The following CLPX variants were observed in gnomAD, a reference collection of about 807,000 sequenced individuals.
The protein encoded by CLPX is ATP-dependent clpX-like chaperone, mitochondrial.
CLPX carries 34 observed loss-of-function variants against 76.4 expected under a neutral mutation model. The observed-to-expected ratio is 0.45, with a 90% CI of 0.34 to 0.59. The LOEUF is 0.59. CLPX is among the 20% of genes least tolerant of loss of function. The pLI is 0.01. For synonymous variants in CLPX, 248 were observed against 270.9 expected, an observed-to-expected ratio of 0.92 and a Z score of 0.83; for missense variants, 613 against 757.0, an observed-to-expected ratio of 0.81 and a Z score of 2.23.
chr15:65,184,017 A>G (rs1043348075), intron 1 of CLPX, among the ~76,000 whole-genome samples: 1 of 152,264 alleles, frequency 6.6e-6, no homozygotes, highest in African/African-American at 2.4e-5. Flanking sequence ...ATCATTTTAC[A>G]AAATGCTTCT....
Position 65,178,966 on chromosome 15 carries a change from C to A in CLPX, c.326G>T (p.Gly109Val). ...GGTCTCTACATGTGTGCACAAGTCG[C>A]CACATTTAGGACAGCGCAGCTGGTT... ...GGNQLRCPKC[G>V]DLCTHVETFV... The change falls in exon 3 of 14, where the codon GGC (glycine) becomes GTC (valine). Residue 109 changes from glycine (G) to valine (V), a missense_variant. By Grantham distance (109) the Gly-to-Val change is moderately radical (BLOSUM62 -3). Around this residue, in one of 2 missense-constraint regions of CLPX, gnomAD observed 450 missense variants for 638.6 expected, o/e 0.70. Coordinates refer to ENST00000300107, the MANE Select transcript of CLPX (RefSeq NM_006660.5). 1 of 1,608,582 alleles carries A rather than the reference C, an allele frequency of 6.2e-7. No homozygotes were observed. The highest frequency in any genetic ancestry group is 8.5e-7 in the Non-Finnish European group (1 of 1,176,232).
Position 65,179,053 on chromosome 15 carries a change from T to C in CLPX, c.241-2A>G. ...ACTACTTCCCTCACTTGCTGATTTC[T>C]AACGTTTATGAAGGAGAAAAAAGGA... On this transcript the variant is annotated splice_acceptor_variant, in intron 2 of 13. Coordinates refer to ENST00000300107, the MANE Select transcript of CLPX (RefSeq NM_006660.5). LOFTEE classifies it high-confidence loss of function. The C allele has an allele frequency of 6.3e-7, 1 of 1,590,398 alleles. No homozygotes were observed. The highest frequency in any genetic ancestry group is 8.6e-7 in the Non-Finnish European group (1 of 1,160,270).
intron 1 of CLPX, 49 bp downstream of exon 1, chr15:65,185,026 A>ACCCCCCCC: frequency 8.4e-7 from 1 of 1,196,868 alleles, no homozygotes; most frequent in Non-Finnish European, 1.1e-6. Flanking sequence ...TGGCCAGTCC[A>ACCCCCCCC]CCCCCCCCCC....
chr15:65,152,541 A>G lies in CLPX; in HGVS notation c.1705-5T>C. The G allele has an allele frequency of 6.9e-7, 1 of 1,457,972 alleles. No individual in the cohort carries two copies. The highest frequency in any genetic ancestry group is 9.2e-7 in the Non-Finnish European group (1 of 1,081,272). 90.3% of individuals were successfully genotyped at this position (1,457,972 alleles called of 1,614,324 possible). A position where few individuals can be genotyped will look rare whatever the true frequency, so the allele number is the denominator to read the frequency against. ...TGGTTCTAGTAACAGCTTTTCCTAA[A>G]GAAATAAAAAGTAATGAATCACATT... On this transcript the variant is annotated splice_polypyrimidine_tract_variant and splice_region_variant and intron_variant, in intron 12 of 13. Coordinates refer to ENST00000300107, the MANE Select transcript of CLPX (RefSeq NM_006660.5).
At position 65,149,374 on chromosome 15, in the gene CLPX, C is replaced by T. The variant is rs890934762; in HGVS notation, c.*1449G>A. 6 of 231,292 alleles carry T rather than the reference C, an allele frequency of 2.6e-5. No individual in the cohort carries two copies. In the East Asian group the frequency reaches 8.4e-4, roughly 32 times the overall value. 14.3% of individuals were successfully genotyped at this position (231,292 alleles called of 1,614,324 possible). ...CCTGTAGTCCCAGCTACTCAGGAGG[C>T]TGAGGCATGAGTATCGCTTGAACCT... On this transcript the variant is annotated 3_prime_UTR_variant, in exon 14 of 14. Coordinates refer to ENST00000300107, the MANE Select transcript of CLPX (RefSeq NM_006660.5).
chr15:65,156,115 T>C (rs949940217), intron 9 of CLPX, among the ~76,000 whole-genome samples: 2 of 152,220 alleles, frequency 1.3e-5, no homozygotes, highest in African/African-American at 2.4e-5. Context: ...TTGTTTTTGA[T>C]AGTAAAGACA....
intron 3 of CLPX, among the ~76,000 whole-genome samples, chr15:65,170,119 T>A (rs1566983905): frequency 6.6e-6 from 1 of 152,048 alleles, no homozygotes. Flanking sequence ...CAAATTTCTG[T>A]TCTCAAGGGA....
intron 1 of CLPX, among the ~76,000 whole-genome samples, chr15:65,180,786 C>A (rs1034280052): frequency 6.6e-6 from 1 of 151,708 alleles, no homozygotes; most frequent in African/African-American, 2.4e-5. Flanking sequence ...CGCCTTTAAT[C>A]CCAGCTACTC....
At chr15:65,162,528 G>C (rs1480206051) in intron 6 of CLPX, 76 bp downstream of exon 6, 2 of 954,872 alleles carry the variant, frequency 2.1e-6, no homozygotes, top group Non-Finnish European at 3.3e-6. Context: ...GTCTATCACT[G>C]TTACTGCTGA....
chr15:65,175,051 T>C (rs1263095598), intron 3 of CLPX, among the ~76,000 whole-genome samples: 2 of 152,220 alleles, frequency 1.3e-5, no homozygotes, highest in African/African-American at 2.4e-5. Flanking sequence ...AGGATCTACA[T>C]ATGCATTCTT....
Position 65,148,652 on chromosome 15 carries a change from TCAA to T in CLPX, c.*2168_*2170del, listed in dbSNP as rs2087681748. 6.6e-6 allele frequency: 1 copy of T among 152,000 alleles called. No homozygotes were observed. The highest frequency in any genetic ancestry group is 1.5e-5 in the Non-Finnish European group (1 of 68,002). The allele number at this position is 152,000 out of a possible 1,614,324, so 9.4% of individuals were successfully genotyped here. ...ATATCAAAGAAAGCCCAACTCTTCATCAACAAGATTTAGAATTTCCTAATAGCT... is the reference window on the plus strand; with the variant it reads ...ATATCAAAGAAAGCCCAACTCTTCATCAAGATTTAGAATTTCCTAATAGCT... On this transcript the variant is annotated 3_prime_UTR_variant, in exon 14 of 14. Coordinates refer to ENST00000300107, the MANE Select transcript of CLPX (RefSeq NM_006660.5).
intron 12 of CLPX, 112 bp downstream of exon 12, chr15:65,153,435 G>C (rs760482978): frequency 2.8e-6 from 2 of 708,892 alleles, no homozygotes; most frequent in Non-Finnish European, 4.8e-6. Context: ...CTTTATTTGA[G>C]ACTCTGTCTC....
At chr15:65,163,213 T>A (rs182101639) in intron 5 of CLPX, among the ~76,000 whole-genome samples, 40 of 152,060 alleles carry the variant, frequency 2.6e-4, no homozygotes, top group African/African-American at 9.4e-4. Flanking sequence ...GACCTTGTCT[T>A]GAAAAAAAGA....
At chr15:65,182,687 G>A (rs1228569015) in intron 1 of CLPX, among the ~76,000 whole-genome samples, 1 of 152,126 alleles carries the variant, frequency 6.6e-6, no homozygotes, top group East Asian at 1.9e-4. Context: ...TCTATTCAAG[G>A]ACCCTTTGGA....
At chr15:65,178,899 A>G (rs1313180864) in intron 3 of CLPX, 35 bp downstream of exon 3, 22 of 1,150,706 alleles carry the variant, frequency 1.9e-5, no homozygotes, top group Non-Finnish European at 2.6e-5. Flanking sequence ...CAGAAAATGT[A>G]GGGAAAAAAG....
chr15:65,177,321 G>A (rs761776487), intron 3 of CLPX, among the ~76,000 whole-genome samples: 3 of 151,934 alleles, frequency 2.0e-5, no homozygotes, highest in South Asian at 2.1e-4. Flanking sequence ...AGCCCGCCTC[G>A]GCCTCCCAAA....
intron 5 of CLPX, among the ~76,000 whole-genome samples, chr15:65,163,616 G>A (rs1302049675): frequency 6.6e-6 from 1 of 151,950 alleles, no homozygotes; most frequent in African/African-American, 2.4e-5. Context: ...ACAGTATACT[G>A]TATAATGACT....
chr15:65,172,406 C>T (rs761133466), intron 3 of CLPX, among the ~76,000 whole-genome samples: 7 of 151,742 alleles, frequency 4.6e-5, no homozygotes, highest in East Asian at 1.9e-4. Flanking sequence ...CTGAGGTGGG[C>T]GGATCACAAG....
At chr15:65,155,660 T>A in intron 10 of CLPX, 32 bp downstream of exon 10, 1 of 1,573,948 alleles carries the variant, frequency 6.4e-7, no homozygotes, top group Non-Finnish European at 8.7e-7. Flanking sequence ...AAATGCTCTC[T>A]ATCCTTCTAG....
Sources: allele counts gnomAD v4.1 joint callset (sites outside exome capture counted in the v4.1 genomes callset), GRCh38; gene constraint gnomAD v4.1.1; regional missense constraint gnomAD v4.1.1; transcripts MANE v1.5; gene names NCBI Gene and HGNC (gene_info 2026-07-23, HGNC 2026-07-21).